Variants in SPOCK3 observed in about 807,000 individuals in gnomAD.
The protein encoded by SPOCK3 is testican-3.
In SPOCK3, 30 loss-of-function variants were observed where a neutral mutation model predicts 56.6. The ratio of observed to expected loss-of-function variants is 0.53; its 90% CI spans 0.40 to 0.72. The LOEUF (loss-of-function observed/expected upper bound fraction) is 0.72, where lower values mean the gene tolerates loss of function less well. Among genes scored for constraint, SPOCK3 ranks in the 30% least tolerant of loss-of-function variants. SPOCK3 has a pLI of 0.00. For missense variants in SPOCK3, 527 were observed against 530.0 expected (o/e 0.99, Z 0.06); for synonymous variants, 196 against 183.3 (o/e 1.07, Z -0.56).
At chr4:167,108,115 C>T (rs899523146) in intron 2 of SPOCK3, among the ~76,000 whole-genome samples, 3 of 151,810 alleles carry the variant, frequency 2.0e-5, no homozygotes, top group African/African-American at 7.3e-5. Flanking sequence ...TATCATCTCA[C>T]CCCAGTTAAA....
chr4:166,740,524 TTATTA>T (rs1734727221), intron 9 of SPOCK3, among the ~76,000 whole-genome samples: 5 of 21,824 alleles, frequency 2.3e-4, no homozygotes, highest in South Asian at 1.4e-3. Context: ...ATTATTATTA[TTATTA>T]TCATTATTAT....
At chr4:166,883,157 A>T (rs1422710286) in intron 6 of SPOCK3, 1 of 152,206 alleles carries the variant, frequency 6.6e-6, no homozygotes, top group Non-Finnish European at 1.5e-5. Flanking sequence ...AAAATGGCAT[A>T]CATTAATTCT....
chr4:166,763,747 G>A (rs2318488), intron 7 of SPOCK3, among the ~76,000 whole-genome samples: 50,153 of 151,838 alleles, frequency 0.33, 8,440 homozygotes, highest in Admixed American at 0.42. Flanking sequence ...ATAAGTTAAT[G>A]ATATATACTA....
chr4:166,789,600 T>G (rs969260443), intron 7 of SPOCK3, among the ~76,000 whole-genome samples: 10 of 152,132 alleles, frequency 6.6e-5, no homozygotes, highest in African/African-American at 2.2e-4. Context: ...TAAACAAATG[T>G]GATAAAATGG....
At chr4:167,117,818 G>C (rs1002440558) in intron 2 of SPOCK3, among the ~76,000 whole-genome samples, 1 of 152,146 alleles carries the variant, frequency 6.6e-6, no homozygotes, top group African/African-American at 2.4e-5. Context: ...GTCTCATTCT[G>C]CATCTTTGAA....
chr4:167,063,462 G>A (rs1006243532), intron 2 of SPOCK3, among the ~76,000 whole-genome samples: 1 of 151,820 alleles, frequency 6.6e-6, no homozygotes, highest in African/African-American at 2.4e-5. Flanking sequence ...TAAACTGTTA[G>A]ACCCACTCAA....
At chr4:166,811,277 T>C (rs897643121) in intron 6 of SPOCK3, among the ~76,000 whole-genome samples, 17 of 151,758 alleles carry the variant, frequency 1.1e-4, no homozygotes, top group East Asian at 1.9e-4. Context: ...TCTTTTAACT[T>C]CTTAAGATAG....
chr4:166,783,475 C>T (rs975043365), intron 7 of SPOCK3, among the ~76,000 whole-genome samples: 18 of 152,052 alleles, frequency 1.2e-4, no homozygotes, highest in Admixed American at 5.2e-4. Context: ...TATACCTCCA[C>T]GTGTTATTTT....
At chr4:167,102,513 C>A (rs1022838810) in intron 2 of SPOCK3, 2 of 152,196 alleles carry the variant, frequency 1.3e-5, no homozygotes, top group Admixed American at 1.3e-4. Flanking sequence ...TACTACTCCT[C>A]CCCCATCCTC....
chr4:166,810,145 C>G (rs1384470600), intron 6 of SPOCK3, among the ~76,000 whole-genome samples: 2 of 152,056 alleles, frequency 1.3e-5, no homozygotes, highest in African/African-American at 2.4e-5. Flanking sequence ...AATCATTTAG[C>G]ACAAATCCAA....
intron 4 of SPOCK3, among the ~76,000 whole-genome samples, chr4:166,960,883 G>A (rs945328062): frequency 6.6e-6 from 1 of 152,154 alleles, no homozygotes; most frequent in African/African-American, 2.4e-5. Context: ...AGTGGGATAC[G>A]ATGTTTTAGG....
chr4:167,233,964 A>G (rs774754897), intron 2 of SPOCK3, 21 bp downstream of exon 2: 3 of 1,604,980 alleles, frequency 1.9e-6, no homozygotes, highest in Non-Finnish European at 2.6e-6. Flanking sequence ...GTGCCCGGGG[A>G]TGTGGGTGCG....
chr4:167,139,992 T>A (rs1763403912), intron 2 of SPOCK3, among the ~76,000 whole-genome samples: 1 of 151,982 alleles, frequency 6.6e-6, no homozygotes, highest in East Asian at 1.9e-4. Flanking sequence ...TGTACCTGAA[T>A]ATGATACCTG....
intron 5 of SPOCK3, among the ~76,000 whole-genome samples, chr4:166,896,719 T>C (rs1057066566): frequency 6.6e-6 from 1 of 152,236 alleles, no homozygotes; most frequent in Non-Finnish European, 1.5e-5. Flanking sequence ...TGTAAATACT[T>C]TCTCCATGAA....
intron 2 of SPOCK3, among the ~76,000 whole-genome samples, chr4:167,218,814 CA>C (rs1735621361): frequency 6.6e-6 from 1 of 151,934 alleles, no homozygotes; most frequent in Admixed American, 6.6e-5. Flanking sequence ...ATAACATTAG[CA>C]AAGAAAGTTA....
At chr4:166,917,430 T>C (rs1264108578) in intron 4 of SPOCK3, among the ~76,000 whole-genome samples, 1 of 152,156 alleles carries the variant, frequency 6.6e-6, no homozygotes, top group African/African-American at 2.4e-5. Context: ...AGGGATGTGG[T>C]TGGATTATGA....
At chr4:167,113,247 C>T (rs1238678436) in intron 2 of SPOCK3, among the ~76,000 whole-genome samples, 1 of 152,044 alleles carries the variant, frequency 6.6e-6, no homozygotes, top group Non-Finnish European at 1.5e-5. Context: ...TACTTAGATT[C>T]GTATTGAACA....
intron 2 of SPOCK3, among the ~76,000 whole-genome samples, chr4:167,161,045 G>A (rs1468841905): frequency 6.6e-6 from 1 of 152,104 alleles, no homozygotes; most frequent in Non-Finnish European, 1.5e-5. Flanking sequence ...TTGACAAATG[G>A]GATCTAATTA....
intron 6 of SPOCK3, among the ~76,000 whole-genome samples, chr4:166,811,463 C>A (rs1290740399): frequency 6.6e-6 from 1 of 151,342 alleles, no homozygotes; most frequent in African/African-American, 2.4e-5. Flanking sequence ...CTTCTTTGAT[C>A]TGTACATTAT....
Sources: allele counts gnomAD v4.1 joint callset (sites outside exome capture counted in the v4.1 genomes callset), GRCh38; gene constraint gnomAD v4.1.1; transcripts MANE v1.5; gene names NCBI Gene and HGNC (gene_info 2026-07-23, HGNC 2026-07-21).